CACNA1S: variants seen among roughly 807,000 people sequenced by gnomAD.
The protein encoded by CACNA1S is calcium voltage-gated channel subunit alpha1 S.
A neutral mutation model predicts 207.4 loss-of-function variants in CACNA1S; 126 were observed. The ratio of observed to expected loss-of-function variants is 0.61; its 90% CI spans 0.53 to 0.70. CACNA1S has a LOEUF of 0.70. Among genes scored for constraint, CACNA1S ranks in the 30% least tolerant of loss-of-function variants. The pLI, the probability that CACNA1S is intolerant of heterozygous loss-of-function variation, is 0.00. For synonymous variants in CACNA1S, 960 were observed against 932.7 expected (o/e 1.03, Z -0.53); for missense variants, 2,349 against 2,422.8 (o/e 0.97, Z 0.64).
intron 41 of CACNA1S, 81 bp from the exon 42 acceptor site, chr1:201,040,794 G>A: frequency 4.7e-6 from 5 of 1,058,742 alleles, no homozygotes; most frequent in Non-Finnish European, 7.2e-6. Context: ...TCGCTTGGCT[G>A]GCTAGCCACA....
At chr1:201,109,323 C>T (rs1052273436) in intron 2 of CACNA1S, among the ~76,000 whole-genome samples, 6 of 151,800 alleles carry the variant, frequency 4.0e-5, no homozygotes, top group Admixed American at 3.9e-4. Flanking sequence ...TGTGGGTGAC[C>T]CTGGGTAATG....
chr1:201,090,667 C>T (rs1340008990), intron 5 of CACNA1S, among the ~76,000 whole-genome samples: 3 of 152,116 alleles, frequency 2.0e-5, no homozygotes, highest in African/African-American at 7.2e-5. Flanking sequence ...AGAGTGTCGG[C>T]CTGACCAAAA....
In CACNA1S at chr1:201,053,406, A is replaced by C. The variant is rs143117025; in HGVS notation, c.3795+53T>G. ...TGGGGCCCACCCTGGGCTGAGGCAG[A>C]TGTCCCTAGTGGCCTCCCCAGGTAC... On this transcript the variant is annotated intron_variant, in intron 30 of 43. Coordinates refer to ENST00000362061, the MANE Select transcript of CACNA1S (RefSeq NM_000069.3). This position sits in a 1 kb window ranked among gnomAD's most constrained non-coding sequence, Gnocchi z 5.1. The C allele has an allele frequency of 1.0e-3, 1,691 of 1,613,894 alleles. 18 individuals are homozygous for C. In the African/African-American group the frequency reaches 0.02, roughly 19 times the overall value.
At chr1:201,095,886 A>T (rs1370016926) in intron 2 of CACNA1S, among the ~76,000 whole-genome samples, 1 of 152,186 alleles carries the variant, frequency 6.6e-6, no homozygotes, top group Non-Finnish European at 1.5e-5. Context: ...GAATTGGGTG[A>T]GTGGTCTCCC....
intron 7 of CACNA1S, 41 bp from the exon 8 acceptor site, chr1:201,085,622 G>C: frequency 6.2e-7 from 1 of 1,611,134 alleles, no homozygotes; most frequent in Non-Finnish European, 8.5e-7. Context: ...GGAGAAGAGG[G>C]AACAGTGTCA....
chr1:201,095,304 A>T (rs1662383742), intron 2 of CACNA1S, among the ~76,000 whole-genome samples: 1 of 152,018 alleles, frequency 6.6e-6, no homozygotes, highest in Non-Finnish European at 1.5e-5. Flanking sequence ...TGCAACACTC[A>T]CACCCATGGA....
At chr1:201,111,755 C>T (rs1663112059) in intron 1 of CACNA1S, among the ~76,000 whole-genome samples, 1 of 152,158 alleles carries the variant, frequency 6.6e-6, no homozygotes, top group Non-Finnish European at 1.5e-5. Flanking sequence ...CTTCAAAAAC[C>T]TAGTGGCACC....
rs141074098 is a variant in CACNA1S, at chr1:201,092,223, A to AGGG, written c.399-112_399-110dup. 4.4e-5 allele frequency: 54 copies of AGGG among 1,225,170 alleles called. No individual in the cohort carries two copies. In the African/African-American group the frequency reaches 7.0e-4, roughly 16 times the overall value. The allele number at this position is 1,225,170 out of a possible 1,614,324, so 75.9% of individuals were successfully genotyped here. ...TGCTTGAGCACCTGTGGAAAGGCCT[A>AGGG]GGGGAGAGACGGCAAATACGGGTGC... On this transcript the variant is annotated intron_variant, in intron 3 of 43. Transcript: ENST00000362061.
At position 201,061,398 on chromosome 1, in the gene CACNA1S, C is replaced by A. The variant is rs562504992; in HGVS notation, c.3124G>T (p.Ala1042Ser). Residue 1042 changes from alanine to serine, a missense_variant, in exon 25 of 44, where the codon GCC becomes TCC. Ala to Ser is a moderately conservative substitution (Grantham distance 99). Transcript: ENST00000362061. ...GPIYNNRVEM[A>S]IFFIIYIILI... is the part of the protein sequence containing the mutation. The stretch of plus-strand genomic sequence containing the variant: ...ATGATGTAGATGATGAAGAAGATGG[C>A]CATCTCCACACGGTTGTTGTAGATG... 4 of 1,614,180 alleles carry A rather than the reference C, an allele frequency of 2.5e-6. No homozygotes were observed. The highest frequency in any genetic ancestry group is 3.3e-5 in the Admixed American group (2 of 60,026).
At position 201,065,852 on chromosome 1, in the gene CACNA1S, C is replaced by G. The variant is rs76460090; in HGVS notation, c.2839G>C (p.Val947Leu). The G allele has an allele frequency of 6.2e-7, 1 of 1,613,680 alleles. No individual in the cohort carries two copies. Among genetic ancestry groups the G allele is most frequent in the Non-Finnish European group, 8.5e-7 (1 of 1,179,596 alleles). Reference protein sequence around the residue: ...LLQFMFACIGVQLFKGKFFRC... With the variant: ...LLQFMFACIGLQLFKGKFFRC... ...CTGGGGCTCACCTTGAAGAGCTGGA[C>G]GCCGATGCAGGCAAACATGAACTGT... The change falls in exon 22 of 44, where the codon GTC becomes CTC. Residue 947 changes from valine (V) to leucine (L), a missense_variant. By Grantham distance (32) the Val-to-Leu change is conservative. Coordinates refer to ENST00000362061, the MANE Select transcript of CACNA1S (RefSeq NM_000069.3).
At chr1:201,100,016 CTA>C (rs1662579507) in intron 2 of CACNA1S, among the ~76,000 whole-genome samples, 2 of 152,082 alleles carry the variant, frequency 1.3e-5, no homozygotes, top group Admixed American at 1.3e-4. Context: ...TGCAGAGGAC[CTA>C]TAACCCTGTC....
At position 201,078,087 on chromosome 1, in the gene CACNA1S, G is replaced by A. The variant is rs146389514; in HGVS notation, c.1411C>T (p.Leu471=). The change falls in exon 11 of 44, where the codon CTG becomes TTG. Residue 471 remains leucine, a synonymous_variant. Transcript: ENST00000362061. The part of the protein sequence containing the change: ...TRLQDIANRV[L]LSLFTTEMLM... ...ATCTCAGTGGTGAAGAGGGACAGCA[G>A]CACCCGGTTGGCAATGTCTGTAGGG... The A allele has an allele frequency of 1.2e-5, 20 of 1,614,028 alleles. No individual in the cohort carries two copies. In the Middle Eastern group the frequency reaches 6.6e-4, roughly 53 times the overall value.
chr1:201,107,488 G>A lies in CACNA1S; in HGVS notation c.258+2676C>T, dbSNP rs112656009. Among the ~76,000 whole-genome samples, 894 of 152,322 alleles carry A rather than the reference G, an allele frequency of 5.9e-3. 6 individuals are homozygous for A. The highest frequency in any genetic ancestry group is 0.021 in the African/African-American group (857 of 41,568). ...ATGTAATGAAGCTCTGTGAAGATGG[G>A]AAATGTGTCTATTTGGTTCACAGTG... On this transcript the variant is annotated intron_variant, in intron 2 of 43. Coordinates refer to ENST00000362061, the MANE Select transcript of CACNA1S (RefSeq NM_000069.3).
intron 11 of CACNA1S, 54 bp downstream of exon 11, chr1:201,077,825 C>T (rs2102143676): frequency 7.9e-7 from 1 of 1,271,196 alleles, no homozygotes; most frequent in Non-Finnish European, 1.1e-6. Context: ...TAGACCAGAC[C>T]AGCCCGTGGT....
chr1:201,095,162 A>G (rs1662376176), intron 2 of CACNA1S, among the ~76,000 whole-genome samples: 1 of 151,052 alleles, frequency 6.6e-6, no homozygotes, highest in Non-Finnish European at 1.5e-5. Context: ...ATATACATAT[A>G]TATATATACA....
rs1414012957 is a variant in CACNA1S, at chr1:201,061,474, G to A, written c.3054-6C>T. 10 of 1,613,078 alleles carry A rather than the reference G, an allele frequency of 6.2e-6. No homozygotes were observed. The highest frequency in any genetic ancestry group is 7.6e-6 in the Non-Finnish European group (9 of 1,179,242). ...CTATGGCCTTGTACAGCAGCCTGGGGGTGGGCAGAGAAGAGAGGACAGACT... is the reference window on the plus strand; with the variant it reads ...CTATGGCCTTGTACAGCAGCCTGGGAGTGGGCAGAGAAGAGAGGACAGACT... On this transcript the variant is annotated splice_region_variant and splice_polypyrimidine_tract_variant and intron_variant, in intron 24 of 43. Transcript: ENST00000362061.
chr1:201,076,527 C>T (rs1383463986), intron 12 of CACNA1S, among the ~76,000 whole-genome samples: 4 of 152,244 alleles, frequency 2.6e-5, no homozygotes, highest in Admixed American at 6.5e-5. Flanking sequence ...AAATGGTTTG[C>T]GTTTCTCTGG....
chr1:201,102,968 C>T (rs185719333), intron 2 of CACNA1S, among the ~76,000 whole-genome samples: 1 of 152,148 alleles, frequency 6.6e-6, no homozygotes, highest in Non-Finnish European at 1.5e-5. Flanking sequence ...ATTTATTGAG[C>T]AACTCTTGTG....
chr1:201,049,152 A>G (rs1660571024), intron 34 of CACNA1S, 53 bp from the exon 35 acceptor site: 10 of 1,278,514 alleles, frequency 7.8e-6, no homozygotes, highest in Non-Finnish European at 1.1e-5. Flanking sequence ...CGCTGCCAGA[A>G]CCTTTCTGCT....
Sources: allele counts gnomAD v4.1 joint callset (sites outside exome capture counted in the v4.1 genomes callset), GRCh38; gene constraint gnomAD v4.1.1; non-coding constraint Gnocchi (gnomAD v3.1); transcripts MANE v1.5; gene names NCBI Gene and HGNC (gene_info 2026-07-23, HGNC 2026-07-21).